DND1: variants seen among roughly 807,000 people sequenced by gnomAD.
DND1 encodes the protein dead end protein homolog 1.
In DND1, 6 loss-of-function variants were observed where a neutral mutation model predicts 30.4. That is an observed-to-expected ratio of 0.20 (90% CI 0.11 to 0.39). The LOEUF (loss-of-function observed/expected upper bound fraction) is 0.39. Among genes scored for constraint, DND1 ranks in the 10% least tolerant of loss-of-function variants. DND1 has a pLI of 1.00. For missense variants in DND1, 358 were observed against 474.9 expected (o/e 0.75, Z 2.29); for synonymous variants, 178 against 210.4 (o/e 0.85, Z 1.33).
chr5:140,671,488 C>G lies in DND1; in HGVS notation c.867G>C (p.Trp289Cys), dbSNP rs1416886356. The change falls in exon 4 of 4, where the codon TGG becomes TGC. Residue 289 changes from tryptophan (W) to cysteine (C), a missense_variant. By Grantham distance (215) the Trp-to-Cys change is radical. This residue lies in a region of DND1 where 176 missense variants were observed against 235.2 expected (regional missense o/e 0.75). Transcript: ENST00000542735. ...GATGCCCAGGAATCACCACCTGGTA[C>G]CAGAAGCGGTGCCAGCCAGCAGGTC... is the stretch of plus-strand genomic sequence containing the variant. ...GIGPAGWHRF[W>C]YQVVIPGHPV... The G allele has an allele frequency of 1.9e-6, 3 of 1,600,218 alleles. No homozygotes were observed. The highest frequency in any genetic ancestry group is 2.6e-6 in the Non-Finnish European group (3 of 1,175,038).
At position 140,672,579 on chromosome 5, in the gene DND1, G is replaced by T. The variant is rs567008499; in HGVS notation, c.470C>A (p.Ala157Glu). 6.3e-7 allele frequency: 1 copy of T among 1,577,748 alleles called. No individual in the cohort carries two copies. Among genetic ancestry groups the T allele is most frequent in the Non-Finnish European group, 8.6e-7 (1 of 1,168,400 alleles). ...PNLTRSALLL[A>E]LQPLGPGLQE... ...CAAGCCGGGACCCAGCGGCTGCAGCGCGAGCAGCAGCGCGCTGCGGGTCAG... is the reference window on the plus strand; with the variant it reads ...CAAGCCGGGACCCAGCGGCTGCAGCTCGAGCAGCAGCGCGCTGCGGGTCAG... The change falls in exon 3 of 4, where the codon GCG becomes GAG. Residue 157 changes from alanine (A) to glutamate (E), a missense_variant. This residue lies in a region of DND1 where 62 missense variants were observed against 40.6 expected (regional missense o/e 1.53). Coordinates refer to ENST00000542735, the MANE Select transcript of DND1 (RefSeq NM_194249.3).
chr5:140,673,226 G>T (rs756583223), intron 2 of DND1, 45 bp downstream of exon 2: 4 of 1,599,400 alleles, frequency 2.5e-6, no homozygotes, highest in Non-Finnish European at 3.4e-6. Flanking sequence ...TCCCCCAAAG[G>T]GGGCTGGTGT....
intron 2 of DND1, 122 bp downstream of exon 2, chr5:140,673,149 T>C: frequency 8.3e-7 from 1 of 1,198,336 alleles, no homozygotes. Context: ...CCACAGTTCC[T>C]CCTTTGCTGG....
intron 3 of DND1, 115 bp from the exon 4 acceptor site, chr5:140,671,865 AGT>A: frequency 1.7e-6 from 2 of 1,187,100 alleles, no homozygotes; most frequent in Non-Finnish European, 2.4e-6. Flanking sequence ...ATTTCCTGGT[AGT>A]GTGACCATGG....
Position 140,672,741 on chromosome 5 carries a change from G to T in DND1, c.308C>A (p.Ala103Asp). 1 of 1,589,718 alleles carries T rather than the reference G, an allele frequency of 6.3e-7. No individual in the cohort carries two copies. The highest frequency in any genetic ancestry group is 8.5e-7 in the Non-Finnish European group (1 of 1,175,490). ...CGCGCCGCGCCTCGAGCTGTAGCGG[G>T]CATAGGCGAAGCCGCGGTTCAGGCC... Reference protein sequence around the residue: ...FSGLNRGFAYARYSSRRGAQA... With the variant: ...FSGLNRGFAYDRYSSRRGAQA... Residue 103 changes from alanine (A) to aspartate (D), a missense_variant, in exon 3 of 4, where the codon GCC (alanine) becomes GAC (aspartate). Ala to Asp is a moderately radical substitution (Grantham distance 126, BLOSUM62 -2). Around this residue, in one of 3 missense-constraint regions of DND1, gnomAD observed 120 missense variants for 199.1 expected, o/e 0.60. Coordinates refer to ENST00000542735, the MANE Select transcript of DND1 (RefSeq NM_194249.3).
chr5:140,672,254 A>T (rs1400717168), intron 3 of DND1, 191 bp downstream of exon 3: 1 of 639,928 alleles, frequency 1.6e-6, no homozygotes, highest in Non-Finnish European at 2.7e-6. Context: ...AATGCTCGGG[A>T]AGTGTCACAA....
chr5:140,672,294 T>C, intron 3 of DND1, 151 bp downstream of exon 3: 2 of 818,934 alleles, frequency 2.4e-6, no homozygotes, highest in Middle Eastern at 3.7e-4. Flanking sequence ...GTAGCACCAT[T>C]GGAAGTTTTA....
Position 140,673,546 on chromosome 5 carries a change from T to C in DND1, c.-4A>G. 1 of 1,576,548 alleles carries C rather than the reference T, an allele frequency of 6.3e-7. No homozygotes were observed. Among genetic ancestry groups the C allele is most frequent in the Non-Finnish European group, 8.6e-7 (1 of 1,160,518 alleles). ...CACAATCCCGCTTGGACTGCATGGC[T>C]CTCCAGCTGGCCCCCTCGTACCCTC... On this transcript the variant is annotated 5_prime_UTR_variant, in exon 1 of 4. Transcript: ENST00000542735.
chr5:140,670,835 G>A lies in DND1; in HGVS notation c.*458C>T, dbSNP rs1758054515. The A allele has an allele frequency of 4.2e-6, 1 of 238,104 alleles. No homozygotes were observed. The highest frequency in any genetic ancestry group is 8.4e-6 in the Non-Finnish European group (1 of 118,954). The allele number at this position is 238,104 out of a possible 1,614,324, so 14.7% of individuals were successfully genotyped here. On this transcript the variant is annotated 3_prime_UTR_variant, in exon 4 of 4. Transcript: ENST00000542735. The stretch of plus-strand genomic sequence containing the variant: ...GTTTAATATAAATACAACCAGCATA[G>A]AAAGACCCAAAACTATACAGAAACC...
Position 140,671,051 on chromosome 5 carries a change from C to A in DND1, c.*242G>T, listed in dbSNP as rs1052760. 1.7e-4 allele frequency: 102 copies of A among 595,052 alleles called. No individual in the cohort carries two copies. In the African/African-American group the frequency reaches 1.8e-3, roughly 10 times the overall value. The allele number at this position is 595,052 out of a possible 1,614,324, so 36.9% of individuals were successfully genotyped here. On this transcript the variant is annotated 3_prime_UTR_variant, in exon 4 of 4. Coordinates refer to ENST00000542735, the MANE Select transcript of DND1 (RefSeq NM_194249.3). ...GGGACAAGGAACGGCCATGGAAGAT[C>A]ACTGGGTCAGGTTGGACCCTGGGCT... is the stretch of plus-strand genomic sequence containing the variant.
Position 140,672,754 on chromosome 5 carries a change from C to T in DND1, c.295G>A (p.Gly99Ser). 6.3e-7 allele frequency: 1 copy of T among 1,588,694 alleles called. No homozygotes were observed. Among genetic ancestry groups the T allele is most frequent in the Non-Finnish European group, 8.5e-7 (1 of 1,174,800 alleles). ...LMMTFSGLNR[G>S]FAYARYSSRR... Reference sequence around the variant, plus strand: ...GAGCTGTAGCGGGCATAGGCGAAGCCGCGGTTCAGGCCGCTGAAGGTCATC... The same window carrying T: ...GAGCTGTAGCGGGCATAGGCGAAGCTGCGGTTCAGGCCGCTGAAGGTCATC... Residue 99 changes from glycine (G) to serine (S), a missense_variant, in exon 3 of 4, where the codon GGC becomes AGC. This residue lies in a region of DND1 where 120 missense variants were observed against 199.1 expected (regional missense o/e 0.60). Coordinates refer to ENST00000542735, the MANE Select transcript of DND1 (RefSeq NM_194249.3).
Position 140,672,689 on chromosome 5 carries a change from G to A in DND1, c.360C>T (p.Asn120=), listed in dbSNP as rs751907035. 2 of 1,581,838 alleles carry A rather than the reference G, an allele frequency of 1.3e-6. No individual in the cohort carries two copies. The highest frequency in any genetic ancestry group is 1.7e-6 in the Non-Finnish European group (2 of 1,171,800). Residue 120 remains asparagine, a synonymous_variant, in exon 3 of 4, where the codon AAC becomes AAT. Transcript: ENST00000542735. ...GAQAAIATLH[N]HPLRPSCPLL... The stretch of plus-strand genomic sequence containing the variant: ...GCGGGCAGGACGGCCGCAGCGGATG[G>A]TTGTGCAGCGTGGCGATGGCGGCCT...
At position 140,672,919 on chromosome 5, in the gene DND1, G is replaced by T. The variant is rs866222509; in HGVS notation, c.143-13C>A. 6.5e-7 allele frequency: 1 copy of T among 1,536,790 alleles called. No individual in the cohort carries two copies. Among genetic ancestry groups the T allele is most frequent in the African/African-American group, 1.4e-5 (1 of 73,184 alleles). On this transcript the variant is annotated splice_polypyrimidine_tract_variant and intron_variant, in intron 2 of 3. Coordinates refer to ENST00000542735, the MANE Select transcript of DND1 (RefSeq NM_194249.3). ...CTGCCCACCCAGCCTGTGGGAAGAG[G>T]GTATGCAAGGCCACCGTCAGGCGAC...
chr5:140,671,628 A>T lies in DND1; in HGVS notation c.727T>A (p.Leu243Met), dbSNP rs753049676. Residue 243 changes from leucine to methionine, a missense_variant, in exon 4 of 4, where the codon TTG becomes ATG. Leu to Met is a conservative substitution (Grantham distance 15). Transcript: ENST00000542735. The part of the protein sequence containing the change: ...LRSPQPEGSQ[L>M]ALARDKLGFQ... ...CCTAACTTGTCCCTTGCCAAAGCCA[A>T]CTGGCTGCCCTCTGGCTGTGGGGAC... 14 of 1,576,398 alleles carry T rather than the reference A, an allele frequency of 8.9e-6. No individual in the cohort carries two copies. The highest frequency in any genetic ancestry group is 1.2e-5 in the Non-Finnish European group (14 of 1,161,522).
chr5:140,673,027 C>CAGGGTACGGGT, intron 2 of DND1, 121 bp from the exon 3 acceptor site: 1 of 1,207,708 alleles, frequency 8.3e-7, no homozygotes, highest in Non-Finnish European at 1.2e-6. Context: ...GGTTTACACC[C>CAGGGTACGGGT]GTACCCTGGG....
Position 140,670,928 on chromosome 5 carries a change from C to A in DND1, c.*365G>T, listed in dbSNP as rs111716569. 1,347 of 308,268 alleles carry A rather than the reference C, an allele frequency of 4.4e-3. 19 individuals are homozygous for A. The highest frequency in any genetic ancestry group is 0.027 in the African/African-American group (1,274 of 46,594). The allele number at this position is 308,268 out of a possible 1,614,324, so 19.1% of individuals were successfully genotyped here. ...TGACCCCTTTGGCTCAGCTGCCCTT[C>A]CCCACAAATAAAAACCAACAAAGAG... On this transcript the variant is annotated 3_prime_UTR_variant, in exon 4 of 4. Coordinates refer to ENST00000542735, the MANE Select transcript of DND1 (RefSeq NM_194249.3).
At position 140,671,398 on chromosome 5, in the gene DND1, C is replaced by T; in HGVS notation, c.957G>A (p.Val319=). The T allele has an allele frequency of 6.2e-7, 1 of 1,612,500 alleles. No homozygotes were observed. Among genetic ancestry groups the T allele is most frequent in the South Asian group, 1.1e-5 (1 of 91,038 alleles). ...GCCGTACAGACACAGCATCCTTGGC[C>T]ACCTCATGCCCATCCCGGCCATCTA... is the stretch of plus-strand genomic sequence containing the variant. ...LTLDGRDGHE[V]AKDAVSVRLL... is the part of the protein sequence containing the mutation. The change falls in exon 4 of 4, where the codon GTG becomes GTA. Residue 319 remains valine (V), a synonymous_variant. Coordinates refer to ENST00000542735, the MANE Select transcript of DND1 (RefSeq NM_194249.3).
In DND1 at chr5:140,671,127, GC is replaced by G. The variant is rs967278387; in HGVS notation, c.*165del. On this transcript the variant is annotated 3_prime_UTR_variant, in exon 4 of 4. Transcript: ENST00000542735. The stretch of plus-strand genomic sequence containing the variant: ...CCACAACTTAACCCAAACCTAAGCT[GC>G]CCCCAGGTGCCATAGGTCCCTGTCC... 46 of 849,706 alleles carry G rather than the reference GC, an allele frequency of 5.4e-5. No individual in the cohort carries two copies. In the African/African-American group the frequency reaches 6.8e-4, roughly 13 times the overall value. 52.6% of individuals were successfully genotyped at this position (849,706 alleles called of 1,614,324 possible).
Position 140,672,620 on chromosome 5 carries a change from G to T in DND1, c.429C>A (p.Asp143Glu). 1.3e-6 allele frequency: 2 copies of T among 1,566,930 alleles called. No individual in the cohort carries two copies. Among genetic ancestry groups the T allele is most frequent in the East Asian group, 2.3e-5 (1 of 42,672 alleles). Reference sequence around the variant, plus strand: ...TGCGGGTCAGATTCGGCGGCAGGCCGTCAACGCTCAGCTCACACTTCTCGG... The same window carrying T: ...TGCGGGTCAGATTCGGCGGCAGGCCTTCAACGCTCAGCTCACACTTCTCGG... Reference protein sequence around the residue: ...RSTEKCELSVDGLPPNLTRSA... With the variant: ...RSTEKCELSVEGLPPNLTRSA... Residue 143 changes from aspartate (D) to glutamate (E), a missense_variant, in exon 3 of 4, where the codon GAC becomes GAA. Around this residue, in one of 3 missense-constraint regions of DND1, gnomAD observed 62 missense variants for 40.6 expected, o/e 1.53. Coordinates refer to ENST00000542735, the MANE Select transcript of DND1 (RefSeq NM_194249.3).
Sources: allele counts gnomAD v4.1 joint callset, GRCh38; gene constraint gnomAD v4.1.1; regional missense constraint gnomAD v4.1.1; transcripts MANE v1.5; gene names NCBI Gene and HGNC (gene_info 2026-07-23, HGNC 2026-07-21).